Variants in KIF6 observed in about 807,000 individuals in gnomAD.
KIF6 encodes the protein kinesin family member 6.
In KIF6, 106 loss-of-function variants were observed where a neutral mutation model predicts 112.7. The observed-to-expected ratio is 0.94, with a 90% CI of 0.80 to 1.11. KIF6 has a LOEUF of 1.11. KIF6 is among the 50% of genes least tolerant of loss of function. The pLI is 0.00. For synonymous variants in KIF6, 339 were observed against 339.9 expected, an observed-to-expected ratio of 1.00 and a Z score of 0.03; for missense variants, 929 against 964.0, an observed-to-expected ratio of 0.96 and a Z score of 0.48.
intron 6 of KIF6, among the ~76,000 whole-genome samples, chr6:39,597,509 A>G (rs1782339459): frequency 1.3e-5 from 2 of 152,178 alleles, no homozygotes; most frequent in South Asian, 4.1e-4. Flanking sequence ...ACATCATACC[A>G]CAGCAAAGAA....
At chr6:39,475,701 C>G (rs988718311) in intron 13 of KIF6, among the ~76,000 whole-genome samples, 2 of 152,130 alleles carry the variant, frequency 1.3e-5, no homozygotes, top group African/African-American at 4.8e-5. Flanking sequence ...GCTTGAACAG[C>G]CTTCCCATGA....
intron 8 of KIF6, 37 bp from the exon 9 acceptor site, chr6:39,585,021 A>T: frequency 9.0e-7 from 1 of 1,116,110 alleles, no homozygotes; most frequent in Non-Finnish European, 1.3e-6. Flanking sequence ...ATATTATGGC[A>T]TAGAGAGATA....
intron 3 of KIF6, among the ~76,000 whole-genome samples, chr6:39,710,469 G>A (rs201762107): frequency 2.8e-4 from 39 of 139,964 alleles, no homozygotes; most frequent in African/African-American, 3.0e-4. Flanking sequence ...AAAGAAGACA[G>A]AAAAAAAAAA....
chr6:39,558,690 C>A (rs1032200192), intron 10 of KIF6, among the ~76,000 whole-genome samples: 2 of 152,140 alleles, frequency 1.3e-5, no homozygotes, highest in Non-Finnish European at 2.9e-5. Flanking sequence ...TCAAAACTTT[C>A]TAATTTAGAA....
chr6:39,628,820 C>T (rs1174049265), intron 5 of KIF6, among the ~76,000 whole-genome samples: 2 of 152,020 alleles, frequency 1.3e-5, no homozygotes, highest in African/African-American at 2.4e-5. Flanking sequence ...CCCTGTGCTT[C>T]ACCTATTTAT....
At chr6:39,403,240 GAC>G (rs1768836564) in intron 15 of KIF6, among the ~76,000 whole-genome samples, 1 of 151,964 alleles carries the variant, frequency 6.6e-6, no homozygotes, top group South Asian at 2.1e-4. Flanking sequence ...CATGGGTTTG[GAC>G]ACACACATAG....
At chr6:39,499,446 G>C (rs963935412) in intron 13 of KIF6, among the ~76,000 whole-genome samples, 10 of 152,132 alleles carry the variant, frequency 6.6e-5, no homozygotes, top group Non-Finnish European at 1.0e-4. Flanking sequence ...CTGGGGAGGG[G>C]AGAAGCCTTG....
At chr6:39,640,895 G>T (rs527460434) in intron 3 of KIF6, among the ~76,000 whole-genome samples, 39 of 152,254 alleles carry the variant, frequency 2.6e-4, no homozygotes, top group African/African-American at 8.9e-4. Flanking sequence ...AGAAAGTGTT[G>T]TTGGTGCTTA....
At chr6:39,420,525 G>C (rs115949063) in intron 14 of KIF6, among the ~76,000 whole-genome samples, 1,839 of 152,292 alleles carry the variant, frequency 0.012, 33 homozygotes, top group African/African-American at 0.041. Flanking sequence ...CTGCTTTCAC[G>C]CTACAAGACA....
In KIF6 at chr6:39,346,855, G is replaced by A. The variant is rs560950822; in HGVS notation, c.2181-329C>T. Among the ~76,000 whole-genome samples, 3 of 152,180 alleles carry A rather than the reference G, an allele frequency of 2.0e-5. No homozygotes were observed. The South Asian group carries it at 6.2e-4, about 32-fold the overall frequency. On this transcript the variant is annotated intron_variant, in intron 19 of 22. Transcript: ENST00000287152. ...GTAGAGATGGGGTTTCACCATATTG[G>A]CCAGGCTGGTCTTGAACTCCTGACC...
Position 39,639,631 on chromosome 6 carries a change from G to T in KIF6, c.378C>A (p.Tyr126Ter). 6.3e-7 allele frequency: 1 copy of T among 1,594,516 alleles called. No homozygotes were observed. The highest frequency in any genetic ancestry group is 1.1e-5 in the South Asian group (1 of 87,130). The change falls in exon 4 of 23, where the codon TAC (tyrosine) becomes TAA (stop). Residue 126 changes from tyrosine to a stop codon, truncating the protein, a stop_gained. Transcript: ENST00000287152. LOFTEE classifies it high-confidence loss of function. ...DRGIIPRTLSYIFEQLQKDSS... is the reference protein window; with the variant it reads ...DRGIIPRTLS ...ATACCTTTTGTAACTGTTCAAAAAT[G>T]TATGACAGTGTCCTTGGGATAATGC...
intron 13 of KIF6, among the ~76,000 whole-genome samples, chr6:39,520,270 G>C (rs920553542): frequency 1.3e-5 from 2 of 152,152 alleles, no homozygotes; most frequent in African/African-American, 4.8e-5. Flanking sequence ...TGGTACAAGT[G>C]TGTCTCAAAT....
At chr6:39,575,408 C>T (rs1363595341) in intron 10 of KIF6, among the ~76,000 whole-genome samples, 12 of 151,792 alleles carry the variant, frequency 7.9e-5, no homozygotes, top group East Asian at 1.9e-4. Context: ...GTAGCTGGGA[C>T]TACAGGCGCC....
At chr6:39,399,501 G>A (rs1768527543) in intron 15 of KIF6, among the ~76,000 whole-genome samples, 2 of 152,234 alleles carry the variant, frequency 1.3e-5, no homozygotes, top group South Asian at 2.1e-4. Context: ...GATGGAACAA[G>A]TTGTTGGTCA....
In KIF6 at chr6:39,725,405, C is replaced by A; in HGVS notation, c.-95G>T. On this transcript the variant is annotated 5_prime_UTR_variant, in exon 1 of 23. Coordinates refer to ENST00000287152, the MANE Select transcript of KIF6 (RefSeq NM_145027.6). Reference sequence around the variant, plus strand: ...CTCCGGCGACCCACAGTCTTAGCAACAGTAGCTAGGGACACTACCCAGTGA... The same window carrying A: ...CTCCGGCGACCCACAGTCTTAGCAAAAGTAGCTAGGGACACTACCCAGTGA... 2.1e-6 allele frequency: 2 copies of A among 966,214 alleles called. No homozygotes were observed. The highest frequency in any genetic ancestry group is 1.6e-6 in the Non-Finnish European group (1 of 620,780). 59.9% of individuals were successfully genotyped at this position (966,214 alleles called of 1,614,324 possible).
At chr6:39,499,630 T>C (rs553757695) in intron 13 of KIF6, among the ~76,000 whole-genome samples, 3 of 152,268 alleles carry the variant, frequency 2.0e-5, no homozygotes, top group East Asian at 3.9e-4. Flanking sequence ...ATGCTACCTG[T>C]CTTCTGTTTT....
At chr6:39,489,445 G>T (rs1019258843) in intron 13 of KIF6, among the ~76,000 whole-genome samples, 1 of 152,078 alleles carries the variant, frequency 6.6e-6, no homozygotes, top group Non-Finnish European at 1.5e-5. Context: ...ATCATCTTGG[G>T]TTACTTATTT....
intron 5 of KIF6, among the ~76,000 whole-genome samples, chr6:39,617,448 C>T (rs1027678100): frequency 2.0e-4 from 31 of 152,278 alleles, no homozygotes; most frequent in Non-Finnish European, 4.0e-4. Context: ...CCAGCCATTA[C>T]TGCAAGGAAC....
chr6:39,457,597 G>A (rs901391202), intron 13 of KIF6, among the ~76,000 whole-genome samples: 4 of 151,720 alleles, frequency 2.6e-5, no homozygotes, highest in African/African-American at 9.7e-5. Context: ...TTTTTTGAAA[G>A]GATCAACAAA....
Sources: gnomAD v4.1 joint callset for allele counts (sites outside exome capture counted in the v4.1 genomes callset) on GRCh38, gnomAD v4.1.1 for gene constraint, MANE v1.5 for transcripts, NCBI Gene and HGNC (gene_info 2026-07-23, HGNC 2026-07-21) for gene names.